The following WWC1 variants were observed in gnomAD, a reference collection of about 807,000 sequenced individuals.
WWC1 encodes the protein WW and C2 domain containing 1.
In WWC1, 55 loss-of-function variants were observed where a neutral mutation model predicts 138.4. The observed-to-expected ratio is 0.40, with a 90% confidence interval of 0.32 to 0.50. The LOEUF (loss-of-function observed/expected upper bound fraction) is 0.50, where lower values mean the gene tolerates loss of function less well. Ranked by LOEUF, WWC1 falls within the 20% of genes least tolerant of loss-of-function variation. The pLI, the probability that WWC1 is intolerant of heterozygous loss-of-function variation, is 0.72. For missense variants in WWC1, 1,226 were observed against 1,420.4 expected, an observed-to-expected ratio of 0.86 and a Z score of 2.20; for synonymous variants, 524 against 564.9, an observed-to-expected ratio of 0.93 and a Z score of 1.03.
chr5:168,324,617 A>T (rs772500207), intron 1 of WWC1, among the ~76,000 whole-genome samples: 136 of 152,034 alleles, frequency 8.9e-4, no homozygotes, highest in Middle Eastern at 3.4e-3. Context: ...TTTTTTTTTT[A>T]AAAGCAGAAC....
intron 16 of WWC1, among the ~76,000 whole-genome samples, chr5:168,444,195 T>C (rs1421692317): frequency 6.6e-6 from 1 of 152,264 alleles, no homozygotes; most frequent in African/African-American, 2.4e-5. Context: ...CACTGTGGTC[T>C]GCTTACAGTC....
At chr5:168,403,886 AC>A (rs1779578676) in intron 5 of WWC1, among the ~76,000 whole-genome samples, 1 of 150,280 alleles carries the variant, frequency 6.7e-6, no homozygotes, top group Non-Finnish European at 1.5e-5. Flanking sequence ...ACACACACAC[AC>A]ACACACACAC....
At chr5:168,419,172 C>A (rs948493204) in intron 9 of WWC1, among the ~76,000 whole-genome samples, 1 of 152,186 alleles carries the variant, frequency 6.6e-6, no homozygotes, top group East Asian at 1.9e-4. Context: ...GAAATGAGCC[C>A]TTTCTCCCAG....
intron 1 of WWC1, among the ~76,000 whole-genome samples, chr5:168,305,331 C>G (rs1262292686): frequency 1.3e-5 from 2 of 152,128 alleles, no homozygotes; most frequent in African/African-American, 4.8e-5. Flanking sequence ...CTCCACACTC[C>G]CTTCTCCAGG....
chr5:168,432,839 A>G (rs976253898), intron 15 of WWC1, among the ~76,000 whole-genome samples: 6 of 152,160 alleles, frequency 3.9e-5, no homozygotes, highest in Non-Finnish European at 7.3e-5. Flanking sequence ...AACAAGATGT[A>G]TACACCTCTC....
In WWC1 at chr5:168,423,517, C is replaced by T; in HGVS notation, c.1275-16C>T. 1 of 1,599,038 alleles carries T rather than the reference C, an allele frequency of 6.3e-7. No individual in the cohort carries two copies. On this transcript the variant is annotated splice_polypyrimidine_tract_variant and intron_variant, in intron 10 of 22. Transcript: ENST00000265293. ...ACTGTGTGCATCTCACTGTCCTTCCCCTCCCTGTGTCCCAGTCTCTCAAGC... is the reference window on the plus strand; with the variant it reads ...ACTGTGTGCATCTCACTGTCCTTCCTCTCCCTGTGTCCCAGTCTCTCAAGC...
chr5:168,466,904 A>G (rs1757338393), intron 21 of WWC1, among the ~76,000 whole-genome samples: 1 of 151,206 alleles, frequency 6.6e-6, no homozygotes, highest in Non-Finnish European at 1.5e-5. Flanking sequence ...AGAAAACTTG[A>G]CCTTTCAAAT....
intron 19 of WWC1, among the ~76,000 whole-genome samples, chr5:168,455,798 A>G (rs1411612491): frequency 6.6e-6 from 1 of 152,126 alleles, no homozygotes; most frequent in Non-Finnish European, 1.5e-5. Flanking sequence ...CCCTCCTGCA[A>G]CCACTTGCTG....
At chr5:168,367,936 T>G (rs565412131) in intron 1 of WWC1, among the ~76,000 whole-genome samples, 281 of 137,600 alleles carry the variant, frequency 2.0e-3, no homozygotes, top group Non-Finnish European at 3.5e-3. Context: ...ATCTGTGTCT[T>G]TCCAGTTTCT....
Position 168,441,715 on chromosome 5 carries a change from C to T in WWC1, c.2314C>T (p.Arg772Trp), listed in dbSNP as rs372137293. 31 of 1,614,004 alleles carry T rather than the reference C, an allele frequency of 1.9e-5. No individual in the cohort carries two copies. Among genetic ancestry groups the T allele is most frequent in the Middle Eastern group, 3.3e-4 (2 of 6,084 alleles). The stretch of plus-strand genomic sequence containing the variant: ...CCAGATCAGCCTGGCGGAGGTCTGC[C>T]GGTCTGGGGAGAGGTCGACTCGCTG... ...GAQISLAEVC[R>W]SGERSTRWYN... The change falls in exon 16 of 23, where the codon CGG becomes TGG. Residue 772 changes from arginine to tryptophan, a missense_variant. Arg to Trp is a moderately radical substitution (Grantham distance 101). This residue lies in a region of WWC1 where 1,016 missense variants were observed against 1,153.9 expected (regional missense o/e 0.88). Transcript: ENST00000265293.
rs2152831329 is a variant in WWC1 at position 168,399,532 on chromosome 5, G to A, written c.555G>A (p.Leu185=). ...AGATGGTTCACCTCCAGCACGAGCT[G>A]CAGTTCAAAGAGCGTGGCTTTCAGA... The part of the protein sequence containing the change: ...KREMVHLQHE[L]QFKERGFQTL... Residue 185 remains leucine, a synonymous_variant, in exon 5 of 23, where the codon CTG becomes CTA. Transcript: ENST00000265293. 2 of 1,614,192 alleles carry A rather than the reference G, an allele frequency of 1.2e-6. No individual in the cohort carries two copies. The highest frequency in any genetic ancestry group is 1.7e-6 in the Non-Finnish European group (2 of 1,180,028).
intron 1 of WWC1, among the ~76,000 whole-genome samples, chr5:168,363,389 T>C (rs1167246502): frequency 1.3e-5 from 2 of 151,690 alleles, no homozygotes; most frequent in African/African-American, 2.4e-5. Flanking sequence ...CCCGGCATGG[T>C]GGCGGGCACC....
chr5:168,340,362 T>C (rs545232476), intron 1 of WWC1, among the ~76,000 whole-genome samples: 2 of 152,168 alleles, frequency 1.3e-5, no homozygotes, highest in Non-Finnish European at 2.9e-5. Flanking sequence ...AATTCAACCA[T>C]TTAAAGCTTA....
intron 1 of WWC1, among the ~76,000 whole-genome samples, chr5:168,310,806 C>G (rs1471810174): frequency 2.0e-5 from 3 of 147,004 alleles, no homozygotes; most frequent in African/African-American, 5.0e-5. Flanking sequence ...CCACTGCACT[C>G]CAGCCTGGGT....
At chr5:168,354,374 T>G (rs1775234859) in intron 1 of WWC1, among the ~76,000 whole-genome samples, 1 of 152,206 alleles carries the variant, frequency 6.6e-6, no homozygotes, top group Admixed American at 6.5e-5. Flanking sequence ...ATTTTTTGTT[T>G]TTTAATATTG....
chr5:168,374,578 A>T (rs1347990955), intron 2 of WWC1, among the ~76,000 whole-genome samples: 1 of 152,204 alleles, frequency 6.6e-6, no homozygotes, highest in Non-Finnish European at 1.5e-5. Flanking sequence ...GGAGAAGGAC[A>T]TCAGGACAGA....
intron 1 of WWC1, among the ~76,000 whole-genome samples, chr5:168,297,722 A>G (rs1769676525): frequency 6.6e-6 from 1 of 151,960 alleles, no homozygotes; most frequent in South Asian, 2.1e-4. Flanking sequence ...GTCTAGTAAA[A>G]GTTTCTTTTT....
rs752471215 is a variant in WWC1 at position 168,406,202 on chromosome 5, G to A, written c.595G>A (p.Asp199Asn). ...TTCCCATTAACTGTCTCCTAGAATCGATAAGAAAATGTCTGATGCTCAGGG... is the reference window on the plus strand; with the variant it reads ...TTCCCATTAACTGTCTCCTAGAATCAATAAGAAAATGTCTGATGCTCAGGG... ...ERGFQTLKKIDKKMSDAQGSY... is the reference protein window; with the variant it reads ...ERGFQTLKKINKKMSDAQGSY... Residue 199 changes from aspartate to asparagine, a missense_variant, in exon 6 of 23, where the codon GAT becomes AAT. Asp to Asn is a conservative substitution (Grantham distance 23). Transcript: ENST00000265293. 8 of 1,613,658 alleles carry A rather than the reference G, an allele frequency of 5.0e-6. No homozygotes were observed. The highest frequency in any genetic ancestry group is 3.3e-5 in the Admixed American group (2 of 59,998).
At chr5:168,353,985 A>G (rs920895926) in intron 1 of WWC1, among the ~76,000 whole-genome samples, 1 of 152,190 alleles carries the variant, frequency 6.6e-6, no homozygotes, top group African/African-American at 2.4e-5. Flanking sequence ...CTGGACATAC[A>G]ATAGCTCTGA....
Sources: gnomAD v4.1 joint callset for allele counts (sites outside exome capture counted in the v4.1 genomes callset) on GRCh38, gnomAD v4.1.1 for gene constraint, gnomAD v4.1.1 regional missense constraint, MANE v1.5 for transcripts, NCBI Gene and HGNC (gene_info 2026-07-23, HGNC 2026-07-21) for gene names.